The following AGBL4 variants were observed in gnomAD, a reference collection of about 807,000 sequenced individuals.
AGBL4 encodes cytosolic carboxypeptidase 6.
A neutral mutation model predicts 66.4 loss-of-function variants in AGBL4; 58 were observed. That is an observed-to-expected ratio of 0.87 (90% CI 0.71 to 1.09). The LOEUF is 1.09. Ranked by LOEUF, AGBL4 falls within the 50% of genes least tolerant of loss-of-function variation. The pLI is 0.00. For synonymous variants in AGBL4, 234 were observed against 222.9 expected (o/e 1.05, Z -0.44); for missense variants, 579 against 631.0 (o/e 0.92, Z 0.88).
intron 1 of AGBL4, among the ~76,000 whole-genome samples, chr1:49,972,562 G>T (rs1402151055): frequency 6.6e-6 from 1 of 152,152 alleles, no homozygotes; most frequent in African/African-American, 2.4e-5. Context: ...TGGGAGGATT[G>T]CTTAGGCCTA....
At chr1:49,726,958 A>G (rs907778131) in intron 2 of AGBL4, among the ~76,000 whole-genome samples, 1 of 152,084 alleles carries the variant, frequency 6.6e-6, no homozygotes, top group African/African-American at 2.4e-5. Context: ...TTTTGACCCA[A>G]CTCAGGTCAT....
chr1:48,832,954 A>T (rs1376246514), intron 6 of AGBL4, among the ~76,000 whole-genome samples: 4 of 152,146 alleles, frequency 2.6e-5, no homozygotes, highest in Non-Finnish European at 5.9e-5. Flanking sequence ...TTCAGACTCA[A>T]ACTGGAGCTA....
intron 3 of AGBL4, among the ~76,000 whole-genome samples, chr1:49,571,383 A>G (rs1456692914): frequency 6.6e-6 from 1 of 151,886 alleles, no homozygotes; most frequent in Non-Finnish European, 1.5e-5. Flanking sequence ...CTCAATCAAT[A>G]TTGGTGTATA....
intron 4 of AGBL4, among the ~76,000 whole-genome samples, chr1:49,220,973 G>A (rs1649451074): frequency 6.6e-6 from 1 of 152,080 alleles, no homozygotes; most frequent in South Asian, 2.1e-4. Context: ...CCCAGTCTAA[G>A]CTAAATATAG....
downstream of AGBL4, among the ~76,000 whole-genome samples, chr1:48,530,547 GCTT>G (rs943205293): frequency 1.3e-4 from 20 of 152,250 alleles, no homozygotes; most frequent in African/African-American, 4.8e-4. Context: ...AATAGAAAAA[GCTT>G]CTAGACAAAG....
intron 1 of AGBL4, among the ~76,000 whole-genome samples, chr1:50,018,922 C>T (rs1174033722): frequency 6.6e-6 from 1 of 152,196 alleles, no homozygotes; most frequent in East Asian, 1.9e-4. Context: ...TGTAAGTCCA[C>T]ATTCCCTTTT....
At chr1:49,181,441 G>T (rs1024758371) in intron 4 of AGBL4, among the ~76,000 whole-genome samples, 4 of 152,206 alleles carry the variant, frequency 2.6e-5, no homozygotes, top group Non-Finnish European at 4.4e-5. Context: ...GGTGCATTCA[G>T]TCAGAAGAAT....
At chr1:49,734,822 AAAT>A (rs35866369) in intron 2 of AGBL4, among the ~76,000 whole-genome samples, 63,622 of 151,324 alleles carry the variant, frequency 0.42, 15,866 homozygotes, top group Non-Finnish European at 0.57. Flanking sequence ...AAAATTTTAA[AAAT>A]AATAATAATC....
At chr1:49,596,951 C>A (rs1346345382) in intron 3 of AGBL4, among the ~76,000 whole-genome samples, 1 of 152,194 alleles carries the variant, frequency 6.6e-6, no homozygotes, top group Non-Finnish European at 1.5e-5. Context: ...GAATAATTCC[C>A]TGGTGAAACA....
intron 4 of AGBL4, among the ~76,000 whole-genome samples, chr1:49,186,262 G>C (rs1423800698): frequency 6.6e-6 from 1 of 152,080 alleles, no homozygotes; most frequent in Admixed American, 6.6e-5. Context: ...TTTGCTTTCA[G>C]AATGCCTAAT....
In AGBL4 at chr1:49,557,908, G is replaced by T. The variant is rs12047614; in HGVS notation, c.282+139405C>A. 7.9e-3 allele frequency among the ~76,000 whole-genome samples: 1,204 copies of T among 151,624 alleles called. 11 individuals are homozygous for T. Among genetic ancestry groups the T allele is most frequent in the Middle Eastern group, 0.031 (9 of 292 alleles). On this transcript the variant is annotated intron_variant, in intron 3 of 13. Transcript: ENST00000371839. ...GCTTGAGAAGAAAACATGGAAGAGT[G>T]GGGAGGATTTGTCTTGCATCTTAAA... is the stretch of plus-strand genomic sequence containing the variant.
chr1:49,072,417 G>A (rs1455628340), intron 4 of AGBL4, among the ~76,000 whole-genome samples: 2 of 152,154 alleles, frequency 1.3e-5, no homozygotes, highest in Non-Finnish European at 2.9e-5. Flanking sequence ...TCCTTCAGGA[G>A]CTCTTGTAAG....
intron 6 of AGBL4, among the ~76,000 whole-genome samples, chr1:48,862,343 T>A (rs1308835937): frequency 1.3e-5 from 2 of 152,188 alleles, no homozygotes; most frequent in Admixed American, 6.5e-5. Flanking sequence ...AAAAATTTTT[T>A]ATATTTTTTT....
chr1:49,506,644 C>G (rs1648715124), intron 3 of AGBL4, among the ~76,000 whole-genome samples: 1 of 152,020 alleles, frequency 6.6e-6, no homozygotes. Flanking sequence ...GTCAATTAAA[C>G]CTCTTTTCTT....
intron 2 of AGBL4, among the ~76,000 whole-genome samples, chr1:49,792,565 A>G (rs2147930972): frequency 6.6e-6 from 1 of 152,248 alleles, no homozygotes; most frequent in South Asian, 2.1e-4. Context: ...TGAAAGCCAG[A>G]AGATAGCTGG....
intron 4 of AGBL4, among the ~76,000 whole-genome samples, chr1:49,052,793 A>C (rs560047747): frequency 5.3e-5 from 8 of 152,290 alleles, no homozygotes; most frequent in Admixed American, 6.5e-5. Flanking sequence ...GCAATTGATA[A>C]ATATTTTGAA....
At chr1:49,149,040 CTTGAGCTA>C (rs1224681259) in intron 4 of AGBL4, among the ~76,000 whole-genome samples, 1 of 152,178 alleles carries the variant, frequency 6.6e-6, no homozygotes, top group African/African-American at 2.4e-5. Flanking sequence ...GACCTCTGGA[CTTGAGCTA>C]TGTATGGACC....
intron 1 of AGBL4, among the ~76,000 whole-genome samples, chr1:49,874,331 G>A (rs946943138): frequency 2.6e-5 from 4 of 152,028 alleles, no homozygotes; most frequent in African/African-American, 9.7e-5. Flanking sequence ...TAAAAGAAGT[G>A]GAGGTTGTCA....
intron 3 of AGBL4, among the ~76,000 whole-genome samples, chr1:49,494,732 C>A (rs1170057738): frequency 6.6e-6 from 1 of 152,058 alleles, no homozygotes; most frequent in Non-Finnish European, 1.5e-5. Context: ...CCGCCATAAA[C>A]ATACGTGTGC....
Sources: allele counts gnomAD v4.1 joint callset (sites outside exome capture counted in the v4.1 genomes callset), GRCh38; gene constraint gnomAD v4.1.1; transcripts MANE v1.5; gene names NCBI Gene and HGNC (gene_info 2026-07-23, HGNC 2026-07-21).